The following SGMS1 variants were observed in gnomAD, a reference collection of about 807,000 sequenced individuals.
SGMS1 encodes sphingomyelin synthase 1.
SGMS1 carries 13 observed loss-of-function variants against 46.2 expected under a neutral mutation model. The observed-to-expected ratio is 0.28, with a 90% CI of 0.18 to 0.45. SGMS1 has a LOEUF of 0.45. SGMS1 is among the 20% of genes least tolerant of loss of function. The pLI is 1.00. For missense variants in SGMS1, 324 were observed against 519.9 expected, an observed-to-expected ratio of 0.62 and a Z score of 3.66; for synonymous variants, 203 against 187.8, an observed-to-expected ratio of 1.08 and a Z score of -0.66.
At chr10:50,617,595 T>C (rs1838810231) in intron 1 of SGMS1, among the ~76,000 whole-genome samples, 1 of 152,200 alleles carries the variant, frequency 6.6e-6, no homozygotes. Context: ...TATTTATTTA[T>C]TTATGAGACA....
intron 8 of SGMS1, among the ~76,000 whole-genome samples, chr10:50,322,867 G>A (rs12354429): frequency 0.17 from 24,415 of 144,460 alleles, 2,581 homozygotes; most frequent in East Asian, 0.27. Flanking sequence ...AAAAAAAGAT[G>A]AGAAGAGGTT....
At position 50,307,064 on chromosome 10, in the gene SGMS1, T is replaced by G; in HGVS notation, c.*78A>C. ...TTGAAAGATAATAGGATTAGGGAGG[T>G]GTTTATTTTATGGCATCTTCTCTCA... On this transcript the variant is annotated 3_prime_UTR_variant, in exon 11 of 11. Transcript: ENST00000361781. The surrounding 1 kb of genome is among the most constrained non-coding windows in gnomAD (Gnocchi z 4.2). 2 of 1,347,186 alleles carry G rather than the reference T, an allele frequency of 1.5e-6. No individual in the cohort carries two copies. Among genetic ancestry groups the G allele is most frequent in the East Asian group, 2.3e-5 (1 of 42,898 alleles). The allele number at this position is 1,347,186 out of a possible 1,614,324, so 83.5% of individuals were successfully genotyped here. A position where few individuals can be genotyped will look rare whatever the true frequency, so the allele number is the denominator to read the frequency against.
chr10:50,515,696 A>C (rs1234764794), intron 3 of SGMS1, among the ~76,000 whole-genome samples: 1 of 152,172 alleles, frequency 6.6e-6, no homozygotes, highest in Admixed American at 6.5e-5. Flanking sequence ...CCAGCTCCCC[A>C]GGTGAAGCTT....
At chr10:50,523,924 G>A (rs1395362402) in intron 2 of SGMS1, among the ~76,000 whole-genome samples, 1 of 152,178 alleles carries the variant, frequency 6.6e-6, no homozygotes, top group African/African-American at 2.4e-5. Flanking sequence ...CACACACGCA[G>A]CATTCCAAAC....
chr10:50,414,412 T>C (rs1849140850), intron 6 of SGMS1, among the ~76,000 whole-genome samples: 1 of 152,162 alleles, frequency 6.6e-6, no homozygotes, highest in Admixed American at 6.5e-5. Flanking sequence ...CTAACCTATT[T>C]ACCACATTCT....
intron 2 of SGMS1, among the ~76,000 whole-genome samples, chr10:50,577,355 T>C (rs553192408): frequency 3.1e-4 from 47 of 152,118 alleles, no homozygotes; most frequent in Admixed American, 2.9e-3. Context: ...TTCACTACCA[T>C]ATACATTAGG....
At chr10:50,337,941 C>T (rs943059516) in intron 7 of SGMS1, among the ~76,000 whole-genome samples, 1 of 151,258 alleles carries the variant, frequency 6.6e-6, no homozygotes. Context: ...TAGTAAACTT[C>T]TAAAAATCCA....
Position 50,597,002 on chromosome 10 carries a change from G to A in SGMS1, c.-683-6755C>T, listed in dbSNP as rs192944574. On this transcript the variant is annotated intron_variant, in intron 1 of 10. Coordinates refer to ENST00000361781, the MANE Select transcript of SGMS1 (RefSeq NM_147156.4). ...ATTTTCTCCACCACAAAAATAAAAA[G>A]CACTACTAATTCCACAAAGATTTTA... Among the ~76,000 whole-genome samples the A allele has an allele frequency of 3.2e-3, 486 of 152,268 alleles. 3 individuals carry two copies. Among genetic ancestry groups the A allele is most frequent in the Middle Eastern group, 0.017 (5 of 294 alleles).
intron 6 of SGMS1, among the ~76,000 whole-genome samples, chr10:50,378,949 C>T (rs1306504276): frequency 6.6e-6 from 1 of 151,976 alleles, no homozygotes; most frequent in Non-Finnish European, 1.5e-5. Context: ...TATTAAAGCA[C>T]TATGTATTCC....
chr10:50,592,032 C>A (rs918019833), intron 1 of SGMS1, among the ~76,000 whole-genome samples: 1 of 152,180 alleles, frequency 6.6e-6, no homozygotes, highest in Non-Finnish European at 1.5e-5. Flanking sequence ...ATGGAGAGAA[C>A]CTCTTCCGGC....
At chr10:50,485,831 C>T (rs1351065944) in intron 3 of SGMS1, among the ~76,000 whole-genome samples, 7 of 151,990 alleles carry the variant, frequency 4.6e-5, no homozygotes, top group Non-Finnish European at 1.0e-4. Flanking sequence ...GCCCAGGAGG[C>T]AAAGGTTGCA....
chr10:50,545,442 T>A (rs779730577), intron 2 of SGMS1, among the ~76,000 whole-genome samples: 6 of 152,038 alleles, frequency 3.9e-5, no homozygotes, highest in Non-Finnish European at 8.8e-5. Context: ...TTTGTTTTGT[T>A]TTGTTTGTTT....
At chr10:50,512,308 C>A (rs902793987) in intron 3 of SGMS1, among the ~76,000 whole-genome samples, 7 of 152,066 alleles carry the variant, frequency 4.6e-5, no homozygotes, top group South Asian at 2.1e-4. Flanking sequence ...AGAAAAAAAA[C>A]CAGACATACC....
chr10:50,316,773 C>T (rs954115158), intron 8 of SGMS1, among the ~76,000 whole-genome samples: 21 of 152,112 alleles, frequency 1.4e-4, no homozygotes, highest in Non-Finnish European at 2.9e-5. Context: ...GTAACAGGAT[C>T]AGGAGGAGGA....
intron 5 of SGMS1, among the ~76,000 whole-genome samples, chr10:50,434,700 C>T (rs1849451477): frequency 6.9e-6 from 1 of 145,180 alleles, no homozygotes; most frequent in Admixed American, 7.2e-5. Context: ...CACAGTGAAA[C>T]CCTGTCTCTA....
chr10:50,576,830 C>G (rs1838389787), intron 2 of SGMS1, among the ~76,000 whole-genome samples: 1 of 152,202 alleles, frequency 6.6e-6, no homozygotes, highest in African/African-American at 2.4e-5. Context: ...TTACCACATG[C>G]TAAGTGCCAA....
intron 3 of SGMS1, among the ~76,000 whole-genome samples, chr10:50,489,921 C>T (rs1214613763): frequency 6.6e-6 from 1 of 152,140 alleles, no homozygotes; most frequent in Non-Finnish European, 1.5e-5. Context: ...TTGCAGTGAG[C>T]TGAGATGGTG....
intron 6 of SGMS1, among the ~76,000 whole-genome samples, chr10:50,364,953 C>G (rs932025007): frequency 6.6e-6 from 1 of 152,034 alleles, no homozygotes; most frequent in Non-Finnish European, 1.5e-5. Context: ...CCAGTCACCA[C>G]GCCTAACAAA....
chr10:50,390,955 T>A (rs1347036344), intron 6 of SGMS1, among the ~76,000 whole-genome samples: 1 of 152,080 alleles, frequency 6.6e-6, no homozygotes, highest in East Asian at 1.9e-4. Flanking sequence ...ACCAAAGTCA[T>A]AGCGGAGAGA....
Sources: gnomAD v4.1 joint callset for allele counts (sites outside exome capture counted in the v4.1 genomes callset) on GRCh38, gnomAD v4.1.1 for gene constraint, Gnocchi (gnomAD v3.1) non-coding constraint, MANE v1.5 for transcripts, NCBI Gene and HGNC (gene_info 2026-07-23, HGNC 2026-07-21) for gene names.